The following DCX variants were observed in gnomAD, a reference collection of about 807,000 sequenced individuals.
DCX encodes neuronal migration protein doublecortin.
DCX carries 4 observed loss-of-function variants against 20.9 expected under a neutral mutation model. The ratio of observed to expected loss-of-function variants is 0.19; its 90% CI spans 0.09 to 0.44. DCX has a LOEUF of 0.44. Among genes scored for constraint, DCX ranks in the 20% least tolerant of loss-of-function variants. DCX has a pLI of 0.99. For synonymous variants in DCX, 103 were observed against 111.4 expected (o/e 0.92, Z 0.47); for missense variants, 133 against 296.9 (o/e 0.45, Z 4.06).
chrX:111,324,783 A>AG (rs1330464569), intron 5 of DCX, among the ~76,000 whole-genome samples: 2 of 112,060 alleles, frequency 1.8e-5, no homozygotes, highest in Non-Finnish European at 3.8e-5. Context: ...AATTCATCTT[A>AG]ACATCCCTTT....
At chrX:111,374,322 C>A (rs1925350534) in intron 3 of DCX, among the ~76,000 whole-genome samples, 1 of 112,194 alleles carries the variant, frequency 8.9e-6, no homozygotes, top group Non-Finnish European at 1.9e-5. Flanking sequence ...CCTAGAGTAG[C>A]TTTAAGAAGC....
chrX:111,349,607 C>T (rs1923144724), intron 3 of DCX, among the ~76,000 whole-genome samples: 1 of 111,659 alleles, frequency 9.0e-6, no homozygotes, highest in Non-Finnish European at 1.9e-5. Flanking sequence ...GGACATACAG[C>T]TTGATTATAG....
chrX:111,337,403 G>A (rs1921834838), intron 3 of DCX, among the ~76,000 whole-genome samples: 1 of 111,277 alleles, frequency 9.0e-6, no homozygotes, highest in South Asian at 3.8e-4. Context: ...AAAACCAGCA[G>A]GTGTTGGGGG....
intron 6 of DCX, among the ~76,000 whole-genome samples, chrX:111,303,917 G>A (rs952260075): frequency 2.7e-5 from 3 of 111,578 alleles, no homozygotes; most frequent in Non-Finnish European, 5.7e-5. Context: ...TTCATTATTT[G>A]TTTGGGGTTT....
intron 3 of DCX, among the ~76,000 whole-genome samples, chrX:111,369,126 G>T (rs1006671436): frequency 9.0e-6 from 1 of 110,596 alleles, no homozygotes; most frequent in Non-Finnish European, 1.9e-5. Context: ...GTCTTTTCAC[G>T]TTTTTCTGCC....
intron 6 of DCX, among the ~76,000 whole-genome samples, chrX:111,302,584 A>C (rs1160060462): frequency 8.9e-6 from 1 of 112,164 alleles, no homozygotes; most frequent in African/African-American, 3.2e-5. Flanking sequence ...GCAAAGTATT[A>C]GTAGTTTGGT....
chrX:111,380,087 T>C (rs1324204906), intron 3 of DCX, among the ~76,000 whole-genome samples: 4 of 111,674 alleles, frequency 3.6e-5, no homozygotes, highest in African/African-American at 1.3e-4. Context: ...TACAAGTCCC[T>C]AGTCAGACAT....
intron 3 of DCX, among the ~76,000 whole-genome samples, chrX:111,391,323 G>A (rs1926934460): frequency 9.0e-6 from 1 of 111,378 alleles, no homozygotes; most frequent in African/African-American, 3.3e-5. Context: ...TTAGTTTCCT[G>A]AGGCCTTCCA....
chrX:111,353,122 A>G (rs1228396331), intron 3 of DCX, among the ~76,000 whole-genome samples: 1 of 111,805 alleles, frequency 8.9e-6, no homozygotes, highest in Admixed American at 9.5e-5. Context: ...AACAACAACA[A>G]AAAGTATGAC....
intron 3 of DCX, among the ~76,000 whole-genome samples, chrX:111,386,269 C>A (rs765856335): frequency 3.6e-5 from 4 of 111,249 alleles, no homozygotes; most frequent in East Asian, 2.8e-4. Flanking sequence ...ACCTCCATAC[C>A]GCTCGGTGAA....
At chrX:111,331,151 A>G (rs1268666867) in intron 4 of DCX, 110 bp from the exon 5 acceptor site, 1 of 913,266 alleles carries the variant, frequency 1.1e-6, no homozygotes, top group Admixed American at 2.3e-5. Flanking sequence ...TAAATGGGTC[A>G]GGACTACAAT....
At chrX:111,357,722 C>A (rs2147684972) in intron 3 of DCX, among the ~76,000 whole-genome samples, 1 of 109,373 alleles carries the variant, frequency 9.1e-6, no homozygotes, top group African/African-American at 3.3e-5. Flanking sequence ...GTCGAGACTG[C>A]AGTGAGCCAT....
At chrX:111,397,474 G>A (rs998138488) in intron 3 of DCX, among the ~76,000 whole-genome samples, 2 of 111,806 alleles carry the variant, frequency 1.8e-5, no homozygotes, top group African/African-American at 6.5e-5. Context: ...TAATCAAAGT[G>A]ATTGACAGGT....
At chrX:111,411,825 T>A (rs1436547762) in intron 1 of DCX, 1 of 111,662 alleles carries the variant, frequency 9.0e-6, no homozygotes, top group Non-Finnish European at 1.9e-5. Context: ...TCAGACAACC[T>A]GCAGTGGTAA....
rs1160244023 is a variant in DCX at position 111,294,830 on chromosome X, A to G, written c.*6857T>C. 1 of 112,524 alleles carries G rather than the reference A, an allele frequency of 8.9e-6. No individual in the cohort carries two copies. The highest frequency in any genetic ancestry group is 3.2e-5 in the African/African-American group (1 of 30,867). The allele number at this position is 112,524 out of a possible 1,213,427, so 9.3% of individuals were successfully genotyped here. A position where few individuals can be genotyped will look rare whatever the true frequency, so the allele number is the denominator to read the frequency against. The stretch of plus-strand genomic sequence containing the variant: ...AGTCACTAGCAAGCTAACACCTCTA[A>G]CACTACAACCACCAATTACAGCTGT... On this transcript the variant is annotated 3_prime_UTR_variant, in exon 7 of 7. Transcript: ENST00000636035.
chrX:111,378,567 A>G (rs1423141347), intron 3 of DCX, among the ~76,000 whole-genome samples: 1 of 111,430 alleles, frequency 9.0e-6, no homozygotes, highest in East Asian at 2.9e-4. Flanking sequence ...ACAGACAAAC[A>G]ACTTCCAACT....
chrX:111,301,814 G>GT (rs1226850851), intron 6 of DCX, 71 bp from the exon 7 acceptor site: 44 of 973,606 alleles, frequency 4.5e-5, no homozygotes, highest in Admixed American at 9.4e-5. Context: ...GTCTGCTTTA[G>GT]TTTTTTTTAT....
At chrX:111,346,855 T>C (rs1351350142) in intron 3 of DCX, among the ~76,000 whole-genome samples, 1 of 111,873 alleles carries the variant, frequency 8.9e-6, no homozygotes, top group African/African-American at 3.2e-5. Context: ...AAAAAAGAAA[T>C]GTAAAAATGA....
At chrX:111,319,234 G>A (rs1338957217) in intron 5 of DCX, among the ~76,000 whole-genome samples, 1 of 111,915 alleles carries the variant, frequency 8.9e-6, no homozygotes. Flanking sequence ...GCTGTGGTTG[G>A]TTAAGACTGA....
Sources: gnomAD v4.1 joint callset for allele counts (sites outside exome capture counted in the v4.1 genomes callset) on GRCh38, gnomAD v4.1.1 for gene constraint, MANE v1.5 for transcripts, NCBI Gene and HGNC (gene_info 2026-07-23, HGNC 2026-07-21) for gene names.